The following GPR63 variants were observed in gnomAD, a reference collection of about 807,000 sequenced individuals.
The protein encoded by GPR63 is probable G protein-coupled receptor 63.
Under a neutral mutation model 23.1 loss-of-function variants are expected in GPR63, and 12 were observed. The ratio of observed to expected loss-of-function variants is 0.52; its 90% CI spans 0.33 to 0.84. GPR63 has a LOEUF of 0.84. GPR63 is among the 40% of genes least tolerant of loss of function. GPR63 has a pLI of 0.02. For synonymous variants in GPR63, 172 were observed against 191.1 expected, an observed-to-expected ratio of 0.90 and a Z score of 0.82; for missense variants, 472 against 515.6, an observed-to-expected ratio of 0.92 and a Z score of 0.82.
intron 1 of GPR63, among the ~76,000 whole-genome samples, chr6:96,819,259 G>A (rs9374134): frequency 0.25 from 38,667 of 151,964 alleles, 5,037 homozygotes; most frequent in East Asian, 0.34. Flanking sequence ...GCAAAGACTT[G>A]GAACCAAACC....
intron 1 of GPR63, among the ~76,000 whole-genome samples, chr6:96,808,163 A>G (rs1381520730): frequency 6.6e-6 from 1 of 152,246 alleles, no homozygotes; most frequent in Non-Finnish European, 1.5e-5. Context: ...TGTGGAAATG[A>G]ATCAGGATTA....
chr6:96,821,399 T>G (rs1774309342), intron 1 of GPR63, among the ~76,000 whole-genome samples: 1 of 152,234 alleles, frequency 6.6e-6, no homozygotes, highest in Admixed American at 6.5e-5. Context: ...TTCTGCGCTG[T>G]GATTTTGATC....
At chr6:96,799,964 T>G (rs1773719827) in intron 1 of GPR63, 83 bp from the exon 2 acceptor site, 1 of 558,132 alleles carries the variant, frequency 1.8e-6, no homozygotes, top group Non-Finnish European at 3.3e-6. Flanking sequence ...CCTTTCATCA[T>G]GAAGGATCAG....
At chr6:96,805,293 G>T (rs1427076429) in intron 1 of GPR63, among the ~76,000 whole-genome samples, 1 of 152,132 alleles carries the variant, frequency 6.6e-6, no homozygotes, top group Non-Finnish European at 1.5e-5. Flanking sequence ...AGCGAGAGGG[G>T]TTGGTGCCAT....
At chr6:96,831,404 T>A (rs1774576285) in intron 1 of GPR63, among the ~76,000 whole-genome samples, 1 of 151,616 alleles carries the variant, frequency 6.6e-6, no homozygotes, top group Non-Finnish European at 1.5e-5. Context: ...TCAAACCCTA[T>A]CTGACTTGAC....
At chr6:96,831,877 G>C (rs994760654) in intron 1 of GPR63, among the ~76,000 whole-genome samples, 2 of 151,686 alleles carry the variant, frequency 1.3e-5, no homozygotes, top group Non-Finnish European at 2.9e-5. Flanking sequence ...CTGCATTCCA[G>C]CCTGGGCAAC....
At chr6:96,829,758 G>C (rs764377370) in intron 1 of GPR63, among the ~76,000 whole-genome samples, 17 of 151,796 alleles carry the variant, frequency 1.1e-4, no homozygotes, top group African/African-American at 4.1e-4. Flanking sequence ...GTGATGATTC[G>C]AGATTTACAC....
At chr6:96,813,195 T>C (rs1490420343) in intron 1 of GPR63, among the ~76,000 whole-genome samples, 2 of 152,178 alleles carry the variant, frequency 1.3e-5, no homozygotes, top group Non-Finnish European at 2.9e-5. Context: ...TATGGCTAAA[T>C]AGAACTCCAC....
intron 1 of GPR63, among the ~76,000 whole-genome samples, chr6:96,823,262 G>A (rs529728971): frequency 1.3e-5 from 2 of 152,166 alleles, no homozygotes; most frequent in South Asian, 4.2e-4. Flanking sequence ...CCAGAAGAAG[G>A]CATTGTTATC....
At chr6:96,836,811 A>G (rs2127965055) in intron 1 of GPR63, among the ~76,000 whole-genome samples, 1 of 152,224 alleles carries the variant, frequency 6.6e-6, no homozygotes, top group Admixed American at 6.5e-5. Context: ...TCTCGCAAAC[A>G]AGGTAAATTT....
At chr6:96,809,455 TATAAAG>T (rs1193775714) in intron 1 of GPR63, among the ~76,000 whole-genome samples, 2 of 152,194 alleles carry the variant, frequency 1.3e-5, no homozygotes, top group African/African-American at 4.8e-5. Flanking sequence ...CCTAGATAGA[TATAAAG>T]ATATACAGAT....
In GPR63 at chr6:96,799,457, A is replaced by T; in HGVS notation, c.275T>A (p.Leu92Gln). 6.2e-7 allele frequency: 1 copy of T among 1,614,192 alleles called. No individual in the cohort carries two copies. Among genetic ancestry groups the T allele is most frequent in the Non-Finnish European group, 8.5e-7 (1 of 1,180,038 alleles). Residue 92 changes from leucine (L) to glutamine (Q), a missense_variant, in exon 2 of 2, where the codon CTG becomes CAG. Coordinates refer to ENST00000229955, the MANE Select transcript of GPR63 (RefSeq NM_030784.4). ...ITLSAIMIFI[L>Q]FVSFLGNLVV... ...CAAGTTCCCAAGAAAAGACACAAAC[A>T]GAATGAATATCATTATAGCAGAAAG...
chr6:96,830,494 G>C (rs759877230), intron 1 of GPR63, among the ~76,000 whole-genome samples: 8 of 152,116 alleles, frequency 5.3e-5, no homozygotes, highest in South Asian at 2.1e-4. Flanking sequence ...ACTTATCCAA[G>C]TGCTAAAACA....
chr6:96,816,159 A>C (rs1388479373), intron 1 of GPR63, among the ~76,000 whole-genome samples: 1 of 152,244 alleles, frequency 6.6e-6, no homozygotes, highest in African/African-American at 2.4e-5. Flanking sequence ...AATGTATATT[A>C]GCAAGTAAAT....
intron 1 of GPR63, among the ~76,000 whole-genome samples, chr6:96,823,484 G>A (rs1452125984): frequency 1.4e-4 from 21 of 152,052 alleles, no homozygotes; most frequent in Non-Finnish European, 1.5e-4. Flanking sequence ...GCATACAAAT[G>A]TACAATGCAT....
rs1290389334 is a variant in GPR63, at chr6:96,837,289, G to A, written c.-172C>T. On this transcript the variant is annotated 5_prime_UTR_variant, in exon 1 of 2. Transcript: ENST00000229955. Reference sequence around the variant, plus strand: ...TCACCTCAAGCGAAGGGCAGCGCGCGGGCGCCCGCGGAAGAGCCCAGGGAG... The same window carrying A: ...TCACCTCAAGCGAAGGGCAGCGCGCAGGCGCCCGCGGAAGAGCCCAGGGAG... 1 of 152,448 alleles carries A rather than the reference G, an allele frequency of 6.6e-6. No individual in the cohort carries two copies. Among genetic ancestry groups the A allele is most frequent in the Non-Finnish European group, 1.5e-5 (1 of 68,252 alleles). 9.4% of individuals were successfully genotyped at this position (152,448 alleles called of 1,614,324 possible). A position where few individuals can be genotyped will look rare whatever the true frequency, so the allele number is the denominator to read the frequency against.
intron 1 of GPR63, among the ~76,000 whole-genome samples, chr6:96,834,918 T>C (rs1461915883): frequency 6.6e-6 from 1 of 152,186 alleles, no homozygotes; most frequent in East Asian, 1.9e-4. Context: ...TTGCCTCTCA[T>C]GCCTTTGAGG....
In GPR63 at chr6:96,816,928, G is replaced by A. The variant is rs905497910; in HGVS notation, c.-150-17047C>T. Among the ~76,000 whole-genome samples, 67 of 152,098 alleles carry A rather than the reference G, an allele frequency of 4.4e-4. 1 individual carries two copies. The highest frequency in any genetic ancestry group is 1.5e-3 in the African/African-American group (61 of 41,426). On this transcript the variant is annotated intron_variant, in intron 1 of 1. Transcript: ENST00000229955. ...CCAAATATCAGCCTCTAATTAGCTC[G>A]TTTAAGTTTCTTAATATTTATTAAG...
intron 1 of GPR63, among the ~76,000 whole-genome samples, chr6:96,829,187 C>A (rs546924049): frequency 6.6e-6 from 1 of 152,160 alleles, no homozygotes; most frequent in Non-Finnish European, 1.5e-5. Flanking sequence ...GAATACACAT[C>A]GTTTTAAAGC....
Sources: gnomAD v4.1 joint callset for allele counts (sites outside exome capture counted in the v4.1 genomes callset) on GRCh38, gnomAD v4.1.1 for gene constraint, MANE v1.5 for transcripts, NCBI Gene and HGNC (gene_info 2026-07-23, HGNC 2026-07-21) for gene names.